STK39: variants seen among roughly 807,000 people sequenced by gnomAD.
STK39 encodes the protein STE20/SPS1-related proline-alanine-rich protein kinase.
In STK39, 20 loss-of-function variants were observed where a neutral mutation model predicts 77.8. That is an observed-to-expected ratio of 0.26 (90% CI 0.18 to 0.37). The LOEUF is 0.37. Among genes scored for constraint, STK39 ranks in the 10% least tolerant of loss-of-function variants. The pLI, the probability that STK39 is intolerant of heterozygous loss-of-function variation, is 1.00. For synonymous variants in STK39, 246 were observed against 234.1 expected (o/e 1.05, Z -0.47); for missense variants, 479 against 656.5 (o/e 0.73, Z 2.95).
chr2:168,075,454 A>G (rs1232260688), intron 10 of STK39, among the ~76,000 whole-genome samples: 1 of 152,136 alleles, frequency 6.6e-6, no homozygotes, highest in Non-Finnish European at 1.5e-5. Flanking sequence ...ATGCATTACT[A>G]TATACATGAA....
intron 10 of STK39, among the ~76,000 whole-genome samples, chr2:168,080,202 T>A (rs1177631220): frequency 6.6e-6 from 1 of 152,182 alleles, no homozygotes. Flanking sequence ...AGAGATGATT[T>A]AGGGTATTTG....
intron 1 of STK39, among the ~76,000 whole-genome samples, chr2:168,245,652 G>A (rs1376788720): frequency 6.6e-6 from 1 of 152,240 alleles, no homozygotes; most frequent in African/African-American, 2.4e-5. Context: ...ATGTGCGGAA[G>A]ACAGCGGTGT....
chr2:168,161,135 T>A (rs563651678), intron 5 of STK39, among the ~76,000 whole-genome samples: 141 of 152,178 alleles, frequency 9.3e-4, no homozygotes, highest in Non-Finnish European at 1.7e-3. Context: ...AAAGGATTGC[T>A]GAGACAGACT....
intron 17 of STK39, among the ~76,000 whole-genome samples, chr2:167,957,721 A>G (rs1202633707): frequency 6.6e-6 from 1 of 152,240 alleles, no homozygotes; most frequent in East Asian, 1.9e-4. Context: ...GGCAATGTGA[A>G]TATCAGGAGG....
chr2:168,069,785 G>A (rs940152908), intron 12 of STK39, among the ~76,000 whole-genome samples: 1 of 152,106 alleles, frequency 6.6e-6, no homozygotes, highest in African/African-American at 2.4e-5. Context: ...GAATCTGTGG[G>A]TTGAGTCTAG....
At chr2:168,017,758 A>T (rs1256695148) in intron 14 of STK39, among the ~76,000 whole-genome samples, 3 of 152,146 alleles carry the variant, frequency 2.0e-5, no homozygotes, top group African/African-American at 7.2e-5. Context: ...TATTTTATTA[A>T]ATCATTTTTA....
chr2:167,961,889 C>T (rs1691969964), intron 17 of STK39, among the ~76,000 whole-genome samples: 1 of 152,202 alleles, frequency 6.6e-6, no homozygotes, highest in Non-Finnish European at 1.5e-5. Flanking sequence ...ATCTTGGGAA[C>T]CCCAGGCTCT....
At chr2:168,090,575 C>G (rs1270296159) in intron 10 of STK39, among the ~76,000 whole-genome samples, 2 of 152,222 alleles carry the variant, frequency 1.3e-5, no homozygotes, top group Non-Finnish European at 2.9e-5. Flanking sequence ...TGAAACTGTT[C>G]ACCTCTGTGA....
intron 10 of STK39, among the ~76,000 whole-genome samples, chr2:168,095,379 A>C (rs1461251469): frequency 6.6e-6 from 1 of 152,174 alleles, no homozygotes; most frequent in African/African-American, 2.4e-5. Context: ...TCATGTGTTA[A>C]AAATGCAGAT....
At chr2:167,962,065 G>A (rs991584664) in intron 17 of STK39, among the ~76,000 whole-genome samples, 2 of 152,252 alleles carry the variant, frequency 1.3e-5, no homozygotes, top group South Asian at 4.1e-4. Flanking sequence ...TGAAACCACT[G>A]TGCAGGGAGG....
intron 1 of STK39, among the ~76,000 whole-genome samples, chr2:168,186,731 TC>T (rs1376731807): frequency 1.3e-5 from 2 of 152,188 alleles, no homozygotes; most frequent in African/African-American, 4.8e-5. Context: ...AGGCTCTCTC[TC>T]TGGGACTCAT....
intron 14 of STK39, among the ~76,000 whole-genome samples, chr2:168,027,823 G>A (rs989311215): frequency 6.6e-6 from 1 of 152,174 alleles, no homozygotes; most frequent in African/African-American, 2.4e-5. Context: ...CCTGCAGGGA[G>A]CAAACAGTCT....
At chr2:168,151,880 A>G (rs1461403696) in intron 5 of STK39, among the ~76,000 whole-genome samples, 1 of 152,234 alleles carries the variant, frequency 6.6e-6, no homozygotes, top group Non-Finnish European at 1.5e-5. Flanking sequence ...GTCAATGCCA[A>G]TTATATTTGG....
At chr2:168,107,318 C>G (rs141558728) in intron 10 of STK39, among the ~76,000 whole-genome samples, 1 of 152,298 alleles carries the variant, frequency 6.6e-6, no homozygotes, top group Non-Finnish European at 1.5e-5. Context: ...GAGGACTTTT[C>G]TGTAACACAC....
At chr2:168,173,536 A>C (rs1180784494) in intron 2 of STK39, among the ~76,000 whole-genome samples, 1 of 145,402 alleles carries the variant, frequency 6.9e-6, no homozygotes, top group African/African-American at 2.7e-5. Context: ...TGTCATTGTG[A>C]ATTTTTTTAT....
At chr2:168,004,997 CTTTTTTTTTT>C (rs10563812) in intron 16 of STK39, among the ~76,000 whole-genome samples, 1 of 77,542 alleles carries the variant, frequency 1.3e-5, no homozygotes, top group Admixed American at 1.7e-4. Flanking sequence ...AGAAGGCCCT[CTTTTTTTTTT>C]TTTTTTTTTT....
At chr2:168,092,655 T>TGA (rs1686554305) in intron 10 of STK39, among the ~76,000 whole-genome samples, 1 of 152,234 alleles carries the variant, frequency 6.6e-6, no homozygotes, top group Non-Finnish European at 1.5e-5. Flanking sequence ...GTTTCACAAG[T>TGA]AACCCAGGTC....
intron 12 of STK39, among the ~76,000 whole-genome samples, chr2:168,071,553 T>TA: frequency 6.6e-6 from 1 of 152,260 alleles, no homozygotes; most frequent in South Asian, 2.1e-4. Flanking sequence ...AAGCTGTATA[T>TA]ACTGATTGGT....
intron 16 of STK39, among the ~76,000 whole-genome samples, chr2:167,988,864 C>T (rs574508822): frequency 1.3e-5 from 2 of 152,266 alleles, no homozygotes; most frequent in South Asian, 4.1e-4. Context: ...GGCAGCTTAC[C>T]TGCCTGCTCA....
Sources: allele counts gnomAD v4.1 joint callset (sites outside exome capture counted in the v4.1 genomes callset), GRCh38; gene constraint gnomAD v4.1.1; transcripts MANE v1.5; gene names NCBI Gene and HGNC (gene_info 2026-07-23, HGNC 2026-07-21).